Variants in EIF4G3 observed in about 807,000 individuals in gnomAD.
EIF4G3 encodes eIF-4-gamma 3.
EIF4G3 carries 34 observed loss-of-function variants against 186.4 expected under a neutral mutation model. The observed-to-expected ratio is 0.18, with a 90% CI of 0.14 to 0.24. EIF4G3 has a LOEUF of 0.24. EIF4G3 is among the 10% of genes least tolerant of loss of function. EIF4G3 has a pLI of 1.00. For synonymous variants in EIF4G3, 673 were observed against 679.5 expected, an observed-to-expected ratio of 0.99 and a Z score of 0.15; for missense variants, 1,536 against 1,948.5, an observed-to-expected ratio of 0.79 and a Z score of 3.99.
chr1:20,919,655 T>C (rs1314906714), intron 14 of EIF4G3, among the ~76,000 whole-genome samples: 1 of 152,226 alleles, frequency 6.6e-6, no homozygotes, highest in Non-Finnish European at 1.5e-5. Flanking sequence ...TTTTTTCTCT[T>C]GCCTTTAATA....
At chr1:21,084,525 C>A (rs553116290) in intron 3 of EIF4G3, among the ~76,000 whole-genome samples, 5 of 152,106 alleles carry the variant, frequency 3.3e-5, no homozygotes, top group Non-Finnish European at 5.9e-5. Flanking sequence ...GATTACAATT[C>A]GACATGAGAT....
chr1:21,005,482 G>A (rs2084796779), intron 4 of EIF4G3, among the ~76,000 whole-genome samples: 1 of 152,072 alleles, frequency 6.6e-6, no homozygotes, highest in East Asian at 1.9e-4. Context: ...TCAATTAGAG[G>A]AACACTTTGT....
intron 34 of EIF4G3, among the ~76,000 whole-genome samples, chr1:20,814,955 G>GA (rs1553177192): frequency 1.3e-5 from 1 of 76,958 alleles, no homozygotes; most frequent in African/African-American, 4.7e-5. Flanking sequence ...ACTGGTTTTC[G>GA]TTTTTTTTTG....
At chr1:20,858,594 T>A (rs1486018749) in intron 24 of EIF4G3, among the ~76,000 whole-genome samples, 1 of 152,220 alleles carries the variant, frequency 6.6e-6, no homozygotes, top group African/African-American at 2.4e-5. Flanking sequence ...TGATATATTT[T>A]ATTTAAGTAT....
intron 15 of EIF4G3, among the ~76,000 whole-genome samples, chr1:20,901,639 A>G (rs530315116): frequency 2.0e-5 from 3 of 152,348 alleles, no homozygotes; most frequent in South Asian, 4.1e-4. Flanking sequence ...TTCTATGAAT[A>G]ACAAACCATA....
At chr1:21,008,325 C>T (rs766400473) in intron 4 of EIF4G3, among the ~76,000 whole-genome samples, 1 of 145,786 alleles carries the variant, frequency 6.9e-6, no homozygotes, top group Non-Finnish European at 1.5e-5. Flanking sequence ...GACTGTTTCA[C>T]TTATTTTAAT....
intron 4 of EIF4G3, among the ~76,000 whole-genome samples, chr1:21,008,976 T>C (rs2086148581): frequency 6.6e-6 from 1 of 152,146 alleles, no homozygotes; most frequent in Non-Finnish European, 1.5e-5. Flanking sequence ...AAATTTGAAA[T>C]TGTAAAGGGG....
chr1:21,000,644 G>T (rs1354867814), intron 6 of EIF4G3, among the ~76,000 whole-genome samples: 1 of 151,494 alleles, frequency 6.6e-6, no homozygotes, highest in African/African-American at 2.4e-5. Flanking sequence ...ACAAAATAAA[G>T]AAAATCAAAC....
intron 14 of EIF4G3, among the ~76,000 whole-genome samples, chr1:20,932,488 T>C (rs1484821173): frequency 6.6e-6 from 1 of 152,126 alleles, no homozygotes; most frequent in Non-Finnish European, 1.5e-5. Context: ...GCTTAATCAT[T>C]TCTAGCTTTT....
intron 14 of EIF4G3, among the ~76,000 whole-genome samples, chr1:20,906,060 C>T (rs554834763): frequency 2.0e-5 from 3 of 152,154 alleles, no homozygotes; most frequent in African/African-American, 7.2e-5. Flanking sequence ...ATTACTGTAC[C>T]ATCTTAAAAA....
intron 2 of EIF4G3, among the ~76,000 whole-genome samples, chr1:21,098,169 AC>A (rs2096422207): frequency 6.6e-6 from 1 of 152,192 alleles, no homozygotes; most frequent in African/African-American, 2.4e-5. Flanking sequence ...TGTTATAAGA[AC>A]AAAGAGACAG....
chr1:20,937,237 C>T (rs1315442745), intron 14 of EIF4G3, among the ~76,000 whole-genome samples: 2 of 152,116 alleles, frequency 1.3e-5, no homozygotes, highest in East Asian at 1.9e-4. Context: ...TGAGAAAGGA[C>T]GTTGTTTCAA....
intron 3 of EIF4G3, among the ~76,000 whole-genome samples, chr1:21,083,478 A>T (rs950458278): frequency 7.0e-6 from 1 of 143,736 alleles, no homozygotes; most frequent in Non-Finnish European, 1.5e-5. Context: ...ACACCCAGCC[A>T]CACACACACT....
At chr1:21,108,547 G>T (rs1233996196) in intron 2 of EIF4G3, among the ~76,000 whole-genome samples, 1 of 152,110 alleles carries the variant, frequency 6.6e-6, no homozygotes, top group Non-Finnish European at 1.5e-5. Context: ...GAATATGAAG[G>T]CTTAAATATA....
intron 2 of EIF4G3, among the ~76,000 whole-genome samples, chr1:21,168,909 G>A (rs974410058): frequency 6.6e-6 from 1 of 152,094 alleles, no homozygotes; most frequent in African/African-American, 2.4e-5. Flanking sequence ...TACACACTGG[G>A]ACACATGCCT....
rs567637930 is a variant in EIF4G3 at position 20,876,794 on chromosome 1, T to C, written c.2622+2529A>G. ...GAAGAGCACTTGAGCCTAGGAGTTT[T>C]TGAGACCAATCTGGGCAAATAGTAA... On this transcript the variant is annotated intron_variant, in intron 20 of 36. Coordinates refer to ENST00000602326, the MANE Select transcript of EIF4G3 (RefSeq NM_001391906.1). 1.6e-4 allele frequency among the ~76,000 whole-genome samples: 24 copies of C among 152,204 alleles called. 1 individual carries two copies. The highest frequency in any genetic ancestry group is 4.1e-4 in the African/African-American group (17 of 41,542).
intron 2 of EIF4G3, among the ~76,000 whole-genome samples, chr1:21,091,823 G>T (rs567289830): frequency 1.1e-3 from 173 of 152,272 alleles, no homozygotes; most frequent in African/African-American, 4.0e-3. Context: ...GAATGCTTGT[G>T]ATTTTTGCAC....
chr1:20,999,933 TAATGCC>T (rs1002192526), intron 6 of EIF4G3, among the ~76,000 whole-genome samples: 9 of 152,126 alleles, frequency 5.9e-5, no homozygotes, highest in Non-Finnish European at 1.3e-4. Context: ...GATCCAGTGT[TAATGCC>T]ACCCACCCAC....
At chr1:21,016,221 A>G (rs917840224) in intron 4 of EIF4G3, among the ~76,000 whole-genome samples, 1 of 152,228 alleles carries the variant, frequency 6.6e-6, no homozygotes, top group Admixed American at 6.5e-5. Context: ...ACCTTAAAAT[A>G]CATATTTATA....
Sources: gnomAD v4.1 joint callset for allele counts (sites outside exome capture counted in the v4.1 genomes callset) on GRCh38, gnomAD v4.1.1 for gene constraint, MANE v1.5 for transcripts, NCBI Gene and HGNC (gene_info 2026-07-23, HGNC 2026-07-21) for gene names.